The following R3HDM1 variants were observed in gnomAD, a reference collection of about 807,000 sequenced individuals.
R3HDM1 encodes the protein R3H domain-containing protein 1.
In R3HDM1, 46 loss-of-function variants were observed where a neutral mutation model predicts 141.1. The ratio of observed to expected loss-of-function variants is 0.33; its 90% CI spans 0.26 to 0.42. The LOEUF (loss-of-function observed/expected upper bound fraction) is 0.42, where lower values mean the gene tolerates loss of function less well. Ranked by LOEUF, R3HDM1 falls within the 10% of genes least tolerant of loss-of-function variation. The probability of loss-of-function intolerance (pLI) is 1.00; values close to 1 mark genes in which losing one functional copy is unlikely to be tolerated. For missense variants in R3HDM1, 1,184 were observed against 1,368.3 expected, an observed-to-expected ratio of 0.87 and a Z score of 2.12; for synonymous variants, 435 against 472.9, an observed-to-expected ratio of 0.92 and a Z score of 1.04.
rs762378197 is a variant in R3HDM1 at position 135,651,925 on chromosome 2, C to G, written c.1921C>G (p.Leu641Val). Reference protein sequence around the residue: ...PPPPPPPPPPLPPGQPVPTAG... With the variant: ...PPPPPPPPPPVPPGQPVPTAG... ...ACCACCACCACCTCCTCCTCCTCCC[C>G]TACCACCTGGGCAGCCAGTCCCTAC... Residue 641 changes from leucine (L) to valine (V), a missense_variant, in exon 18 of 27, where the codon CTA (leucine) becomes GTA (valine). Coordinates refer to ENST00000683871, the MANE Select transcript of R3HDM1 (RefSeq NM_001378107.1). 2.0e-5 allele frequency: 33 copies of G among 1,613,892 alleles called. No homozygotes were observed. The highest frequency in any genetic ancestry group is 2.7e-5 in the African/African-American group (2 of 74,922).
At chr2:135,597,249 T>C in intron 1 of R3HDM1, 1 of 979,106 alleles carries the variant, frequency 1.0e-6, no homozygotes. Context: ...TTTAACGAAC[T>C]CTTTTAGGTC....
At chr2:135,674,838 C>G (rs2068905071) in intron 19 of R3HDM1, among the ~76,000 whole-genome samples, 1 of 151,800 alleles carries the variant, frequency 6.6e-6, no homozygotes, top group South Asian at 2.1e-4. Flanking sequence ...TAATCCCCAG[C>G]AGGGACAGTT....
chr2:135,587,340 A>G (rs1708168229), intron 1 of R3HDM1, among the ~76,000 whole-genome samples: 1 of 151,724 alleles, frequency 6.6e-6, no homozygotes, highest in Non-Finnish European at 1.5e-5. Context: ...TTTTAACAGC[A>G]TTTGGAATTG....
Position 135,638,511 on chromosome 2 carries a change from T to C in R3HDM1, c.904-107T>C, listed in dbSNP as rs1389974184. 8 of 1,184,892 alleles carry C rather than the reference T, an allele frequency of 6.8e-6. No homozygotes were observed. The African/African-American group carries it at 7.7e-5, about 11-fold the overall frequency. The allele number at this position is 1,184,892 out of a possible 1,614,324, so 73.4% of individuals were successfully genotyped here. A position where few individuals can be genotyped will look rare whatever the true frequency, so the allele number is the denominator to read the frequency against. On this transcript the variant is annotated intron_variant, in intron 11 of 26. Coordinates refer to ENST00000683871, the MANE Select transcript of R3HDM1 (RefSeq NM_001378107.1). Reference sequence around the variant, plus strand: ...TATTTGTGTACCCTTATCACCATTTTTAACTTACATTATTACACATGATTT... The same window carrying C: ...TATTTGTGTACCCTTATCACCATTTCTAACTTACATTATTACACATGATTT...
rs1443528758 is a variant in R3HDM1, at chr2:135,621,586, G to A, written c.396G>A (p.Leu132=). The change falls in exon 6 of 27, where the codon TTG becomes TTA. Residue 132 remains leucine, a synonymous_variant. Coordinates refer to ENST00000683871, the MANE Select transcript of R3HDM1 (RefSeq NM_001378107.1). ...EAEKEKASDK[L]PRKMLSRDSS... is the part of the protein sequence containing the mutation. ...AAAAAGAAAAGGCCAGTGATAAGTT[G>A]CCCAGAAAAATGTTATCAAGAGGTT... 6.3e-7 allele frequency: 1 copy of A among 1,588,698 alleles called. No homozygotes were observed. Among genetic ancestry groups the A allele is most frequent in the East Asian group, 2.3e-5 (1 of 44,162 alleles).
intron 1 of R3HDM1, among the ~76,000 whole-genome samples, chr2:135,566,108 T>A (rs1026468943): frequency 3.3e-5 from 5 of 152,222 alleles, no homozygotes; most frequent in Non-Finnish European, 7.3e-5. Flanking sequence ...GAAACTTAAC[T>A]TCAGATATAC....
chr2:135,597,404 G>C (rs1409307331), intron 1 of R3HDM1, among the ~76,000 whole-genome samples: 2 of 152,202 alleles, frequency 1.3e-5, no homozygotes, highest in Non-Finnish European at 2.9e-5. Flanking sequence ...TGAAATGTCA[G>C]TGCTTATATT....
At chr2:135,645,640 C>A in intron 16 of R3HDM1, 113 bp downstream of exon 16, 1 of 1,288,668 alleles carries the variant, frequency 7.8e-7, no homozygotes, top group Non-Finnish European at 1.1e-6. Flanking sequence ...CTTTAATATT[C>A]TGCCACTAGT....
At chr2:135,601,144 A>G (rs1227115938) in intron 1 of R3HDM1, among the ~76,000 whole-genome samples, 24 of 152,210 alleles carry the variant, frequency 1.6e-4, no homozygotes. Context: ...AAAAGCTAAA[A>G]TGGAGAAAAA....
At chr2:135,692,509 T>C (rs2105383210) in intron 21 of R3HDM1, among the ~76,000 whole-genome samples, 1 of 152,218 alleles carries the variant, frequency 6.6e-6, no homozygotes, top group East Asian at 1.9e-4. Flanking sequence ...GGAGAATCGC[T>C]TGAACCCAGG....
chr2:135,627,251 T>C (rs547802790), intron 7 of R3HDM1, among the ~76,000 whole-genome samples: 3 of 152,306 alleles, frequency 2.0e-5, no homozygotes, highest in Admixed American at 1.3e-4. Flanking sequence ...CAGGGTTGAA[T>C]ATTGCCTGGA....
At chr2:135,691,131 T>G (rs2072305602) in intron 21 of R3HDM1, among the ~76,000 whole-genome samples, 1 of 152,226 alleles carries the variant, frequency 6.6e-6, no homozygotes, top group African/African-American at 2.4e-5. Context: ...GTAGAAAATT[T>G]GAAAATATTT....
intron 7 of R3HDM1, among the ~76,000 whole-genome samples, chr2:135,630,138 G>A (rs1450821466): frequency 1.3e-5 from 2 of 151,226 alleles, no homozygotes; most frequent in Non-Finnish European, 3.0e-5. Flanking sequence ...TTAGTCTGGC[G>A]TGGTGGTGCA....
intron 19 of R3HDM1, among the ~76,000 whole-genome samples, chr2:135,671,790 A>G (rs1329892778): frequency 6.6e-6 from 1 of 151,914 alleles, no homozygotes; most frequent in Non-Finnish European, 1.5e-5. Flanking sequence ...AGCCTGGCCA[A>G]CATGGTGAAA....
intron 17 of R3HDM1, chr2:135,650,737 A>G (rs2065063597): frequency 1.0e-6 from 1 of 981,560 alleles, no homozygotes; most frequent in South Asian, 4.7e-5. Flanking sequence ...ATTTTCAATC[A>G]TTAAATCAGG....
chr2:135,666,735 TC>T (rs2067561114), intron 19 of R3HDM1, among the ~76,000 whole-genome samples: 1 of 152,134 alleles, frequency 6.6e-6, no homozygotes, highest in Non-Finnish European at 1.5e-5. Flanking sequence ...GAAGGGATAA[TC>T]AAGTGTGATG....
chr2:135,680,995 G>A (rs1357373366), intron 21 of R3HDM1, among the ~76,000 whole-genome samples: 1 of 152,136 alleles, frequency 6.6e-6, no homozygotes, highest in Non-Finnish European at 1.5e-5. Context: ...ATATCTTGCT[G>A]GAATATTTCA....
chr2:135,672,812 A>G (rs1027736963), intron 19 of R3HDM1, among the ~76,000 whole-genome samples: 7 of 152,116 alleles, frequency 4.6e-5, no homozygotes, highest in African/African-American at 1.7e-4. Context: ...TGCTTTAAAG[A>G]ATAAGATACC....
intron 19 of R3HDM1, chr2:135,670,109 G>A (rs1361763772): frequency 6.1e-5 from 10 of 162,608 alleles, no homozygotes; most frequent in Non-Finnish European, 9.1e-5. Flanking sequence ...CAGCCTGGGC[G>A]ACAGAGCAGA....
Sources: allele counts gnomAD v4.1 joint callset (sites outside exome capture counted in the v4.1 genomes callset), GRCh38; gene constraint gnomAD v4.1.1; transcripts MANE v1.5; gene names NCBI Gene and HGNC (gene_info 2026-07-23, HGNC 2026-07-21).